KIAA0825: variants seen among roughly 807,000 people sequenced by gnomAD.
KIAA0825 encodes the protein KIAA0825, also known as uncharacterized protein KIAA0825.
Under a neutral mutation model 147.6 loss-of-function variants are expected in KIAA0825, and 119 were observed. That is an observed-to-expected ratio of 0.81 (90% confidence interval 0.69 to 0.94). KIAA0825 has a LOEUF of 0.94. Among genes scored for constraint, KIAA0825 ranks in the 40% least tolerant of loss-of-function variants. The probability of loss-of-function intolerance (pLI) is 0.00; values close to 1 mark genes in which losing one functional copy is unlikely to be tolerated. For synonymous variants in KIAA0825, 470 were observed against 518.1 expected (o/e 0.91, Z 1.26); for missense variants, 1,381 against 1,472.7 (o/e 0.94, Z 1.02).
chr5:94,345,165 C>T (rs1047490280), intron 20 of KIAA0825, among the ~76,000 whole-genome samples: 1 of 151,728 alleles, frequency 6.6e-6, no homozygotes, highest in Non-Finnish European at 1.5e-5. Context: ...TCAGAAAGAG[C>T]GTGGTGAGGG....
At chr5:94,551,227 A>G (rs555843957) in intron 2 of KIAA0825, among the ~76,000 whole-genome samples, 3 of 152,038 alleles carry the variant, frequency 2.0e-5, no homozygotes, top group Non-Finnish European at 4.4e-5. Context: ...ACACAATTAA[A>G]TGTACTAATT....
chr5:94,393,982 G>A (rs1037584927), intron 17 of KIAA0825, among the ~76,000 whole-genome samples: 2 of 151,950 alleles, frequency 1.3e-5, no homozygotes, highest in African/African-American at 2.4e-5. Context: ...CCTCAGCTGG[G>A]ATTACAGGTG....
intron 20 of KIAA0825, among the ~76,000 whole-genome samples, chr5:94,202,268 T>A (rs989213103): frequency 6.6e-6 from 1 of 151,942 alleles, no homozygotes; most frequent in African/African-American, 2.4e-5. Context: ...TGAGGAAGGA[T>A]GAAGGGGAGG....
At chr5:94,479,188 C>T (rs904405555) in intron 6 of KIAA0825, among the ~76,000 whole-genome samples, 1 of 152,078 alleles carries the variant, frequency 6.6e-6, no homozygotes, top group Non-Finnish European at 1.5e-5. Context: ...ATGTACCCCC[C>T]ATTACTCTGT....
intron 20 of KIAA0825, among the ~76,000 whole-genome samples, chr5:94,329,460 T>A (rs909796654): frequency 2.0e-5 from 3 of 152,132 alleles, no homozygotes; most frequent in African/African-American, 7.2e-5. Flanking sequence ...TAACTGATCT[T>A]CAAAGTAGAA....
In KIAA0825 at chr5:94,396,587, T is replaced by G. The variant is rs183908651; in HGVS notation, c.2888-78A>C. ...TGCATGGTTTTGTGTTGTATAAGGA[T>G]GTCTAATTTTTGTGGAGAAAATTGG... On this transcript the variant is annotated intron_variant, in intron 16 of 20. Transcript: ENST00000682413. 1.9e-4 allele frequency: 226 copies of G among 1,185,150 alleles called. 3 individuals are homozygous for G. The Middle Eastern group carries it at 2.7e-3, about 14-fold the overall frequency. 73.4% of individuals were successfully genotyped at this position (1,185,150 alleles called of 1,614,324 possible).
At chr5:94,393,104 T>C (rs1750134096) in intron 17 of KIAA0825, among the ~76,000 whole-genome samples, 1 of 152,194 alleles carries the variant, frequency 6.6e-6, no homozygotes, top group Non-Finnish European at 1.5e-5. Context: ...TCCATCACTG[T>C]GCAGGTGAAG....
chr5:94,455,918 GTGA>G (rs1759045998), intron 12 of KIAA0825, among the ~76,000 whole-genome samples: 1 of 152,064 alleles, frequency 6.6e-6, no homozygotes, highest in Non-Finnish European at 1.5e-5. Flanking sequence ...GGAGAGGTGG[GTGA>G]TATTCTCTAA....
At chr5:94,354,316 A>G (rs1392535415) in intron 20 of KIAA0825, among the ~76,000 whole-genome samples, 5 of 152,148 alleles carry the variant, frequency 3.3e-5, no homozygotes, top group Non-Finnish European at 7.3e-5. Flanking sequence ...CCTCTCTCCA[A>G]CATTTCCTTA....
intron 3 of KIAA0825, among the ~76,000 whole-genome samples, chr5:94,529,375 ATC>A (rs59242007): frequency 3.5e-5 from 5 of 143,658 alleles, no homozygotes; most frequent in South Asian, 2.1e-4. Context: ...ATATGTATAT[ATC>A]TCATATATGT....
chr5:94,213,424 C>G (rs17083477), intron 20 of KIAA0825, among the ~76,000 whole-genome samples: 3,046 of 152,224 alleles, frequency 0.02, 88 homozygotes, highest in African/African-American at 0.069. Context: ...TCCTATTCCA[C>G]CCACCTAATA....
intron 5 of KIAA0825, among the ~76,000 whole-genome samples, chr5:94,493,431 A>C (rs1014676582): frequency 9.2e-5 from 14 of 152,230 alleles, no homozygotes; most frequent in African/African-American, 2.7e-4. Flanking sequence ...ATAGAGGTAC[A>C]TGACAACCAA....
intron 20 of KIAA0825, among the ~76,000 whole-genome samples, chr5:94,237,067 G>GTT (rs1554248088): frequency 6.6e-6 from 1 of 151,856 alleles, no homozygotes; most frequent in Admixed American, 6.6e-5. Context: ...GTGTGTGTGT[G>GTT]TGTGTCTGTG....
intron 1 of KIAA0825, among the ~76,000 whole-genome samples, chr5:94,598,938 G>T (rs1431290504): frequency 6.6e-6 from 1 of 152,110 alleles, no homozygotes; most frequent in Non-Finnish European, 1.5e-5. Flanking sequence ...AAACATGGGG[G>T]TGAAGGTATT....
chr5:94,477,582 A>G (rs1445008684), intron 6 of KIAA0825, among the ~76,000 whole-genome samples: 2 of 152,122 alleles, frequency 1.3e-5, no homozygotes, highest in African/African-American at 4.8e-5. Flanking sequence ...TTCCTTGTTC[A>G]TTTAAAAAGT....
intron 20 of KIAA0825, among the ~76,000 whole-genome samples, chr5:94,228,420 A>C (rs2150079500): frequency 6.6e-6 from 1 of 152,286 alleles, no homozygotes; most frequent in South Asian, 2.1e-4. Context: ...GCCATAGTGT[A>C]GCCACTTACA....
chr5:94,333,503 T>C (rs1382763061), intron 20 of KIAA0825, among the ~76,000 whole-genome samples: 2 of 152,172 alleles, frequency 1.3e-5, no homozygotes, highest in Non-Finnish European at 1.5e-5. Context: ...CCATTGCTTG[T>C]TTTTGTCAGG....
intron 1 of KIAA0825, among the ~76,000 whole-genome samples, chr5:94,604,590 A>C (rs1003993596): frequency 6.6e-6 from 1 of 151,950 alleles, no homozygotes. Flanking sequence ...CAAACAAACA[A>C]AAAACACTCA....
At chr5:94,223,601 T>C (rs1032342821) in intron 20 of KIAA0825, among the ~76,000 whole-genome samples, 1 of 152,204 alleles carries the variant, frequency 6.6e-6, no homozygotes, top group African/African-American at 2.4e-5. Context: ...AAACTCCACT[T>C]ACAAACAGTG....
Sources: allele counts gnomAD v4.1 joint callset (sites outside exome capture counted in the v4.1 genomes callset), GRCh38; gene constraint gnomAD v4.1.1; transcripts MANE v1.5; gene names NCBI Gene and HGNC (gene_info 2026-07-23, HGNC 2026-07-21).